Variants in CENPP observed in about 807,000 individuals in gnomAD.
CENPP encodes centromere protein P.
CENPP carries 24 observed loss-of-function variants against 35.6 expected under a neutral mutation model. The ratio of observed to expected loss-of-function variants is 0.67; its 90% CI spans 0.49 to 0.95. The LOEUF (loss-of-function observed/expected upper bound fraction) is 0.95, where lower values mean the gene tolerates loss of function less well. Ranked by LOEUF, CENPP falls within the 40% of genes least tolerant of loss-of-function variation. The pLI is 0.00. For missense variants in CENPP, 332 were observed against 345.3 expected (o/e 0.96, Z 0.31); for synonymous variants, 120 against 125.5 (o/e 0.96, Z 0.29).
At chr9:92,433,986 T>G (rs1236915312) in intron 5 of CENPP, among the ~76,000 whole-genome samples, 1 of 152,194 alleles carries the variant, frequency 6.6e-6, no homozygotes, top group Non-Finnish European at 1.5e-5. Context: ...ACACTTATCT[T>G]ATACTTTGTG....
chr9:92,337,475 T>G (rs1235498155), intron 2 of CENPP, 66 bp from the exon 3 acceptor site: 3 of 907,052 alleles, frequency 3.3e-6, no homozygotes, highest in African/African-American at 3.3e-5. Context: ...TCACACAAAA[T>G]TAAATAATAC....
intron 5 of CENPP, chr9:92,470,867 A>G (rs1845486055): frequency 4.8e-6 from 4 of 829,188 alleles, no homozygotes; most frequent in Non-Finnish European, 7.6e-6. Context: ...ATTTTTTAAA[A>G]CCCATGATTA....
At chr9:92,352,505 G>GTGTATATATATATATATATATA in intron 4 of CENPP, among the ~76,000 whole-genome samples, 2 of 49,784 alleles carry the variant, frequency 4.0e-5, no homozygotes, top group South Asian at 6.5e-4. Context: ...GTGTGTGTGT[G>GTGTATATATATATATATATATA]TATACATATA....
intron 5 of CENPP, among the ~76,000 whole-genome samples, chr9:92,399,972 T>A (rs1218284683): frequency 6.6e-6 from 1 of 152,186 alleles, no homozygotes; most frequent in African/African-American, 2.4e-5. Context: ...ACTGTTTCCC[T>A]TGTTATTTGT....
intron 5 of CENPP, among the ~76,000 whole-genome samples, chr9:92,423,950 T>TA (rs149933711): frequency 0.031 from 4,698 of 151,398 alleles, 254 homozygotes; most frequent in African/African-American, 0.11. Context: ...TCATTCAAAG[T>TA]AAAAAAAAAT....
intron 5 of CENPP, among the ~76,000 whole-genome samples, chr9:92,589,358 T>A (rs1035857715): frequency 2.5e-4 from 35 of 140,008 alleles, no homozygotes; most frequent in Non-Finnish European, 4.6e-4. Context: ...AAAAAAAAAT[T>A]TTTTTTTAAG....
At chr9:92,428,373 C>A (rs999533962) in intron 5 of CENPP, among the ~76,000 whole-genome samples, 1 of 152,126 alleles carries the variant, frequency 6.6e-6, no homozygotes, top group African/African-American at 2.4e-5. Context: ...CAGGTTCCAG[C>A]ATCTTTATAC....
In CENPP at chr9:92,436,740, G is replaced by A. The variant is rs115592576; in HGVS notation, c.564+56881G>A. Among the ~76,000 whole-genome samples, 118 of 151,934 alleles carry A rather than the reference G, an allele frequency of 7.8e-4. 1 individual carries two copies. Among genetic ancestry groups the A allele is most frequent in the African/African-American group, 2.7e-3 (111 of 41,438 alleles). ...CTTTTTCAGTTCTATTTATTTATAC[G>A]TCTGTCTTCCTGACAACACCACCTA... is the stretch of plus-strand genomic sequence containing the variant. On this transcript the variant is annotated intron_variant, in intron 5 of 7. Coordinates refer to ENST00000375587, the MANE Select transcript of CENPP (RefSeq NM_001012267.3).
intron 4 of CENPP, among the ~76,000 whole-genome samples, chr9:92,365,513 C>G (rs916294250): frequency 6.7e-6 from 1 of 148,472 alleles, no homozygotes; most frequent in South Asian, 2.1e-4. Context: ...TGGGTTCAAG[C>G]GATTCTCCTG....
At chr9:92,383,787 T>C (rs77027899) in intron 5 of CENPP, among the ~76,000 whole-genome samples, 4,673 of 152,282 alleles carry the variant, frequency 0.031, 113 homozygotes, top group South Asian at 0.084. Flanking sequence ...TTATCTTATC[T>C]AAAACTACTG....
At chr9:92,458,066 C>G (rs894795778) in intron 5 of CENPP, among the ~76,000 whole-genome samples, 6 of 152,134 alleles carry the variant, frequency 3.9e-5, no homozygotes, top group African/African-American at 1.4e-4. Flanking sequence ...CTATCAACAT[C>G]CTAAATGCAG....
At chr9:92,533,674 A>T (rs1848997986) in intron 5 of CENPP, among the ~76,000 whole-genome samples, 1 of 152,038 alleles carries the variant, frequency 6.6e-6, no homozygotes, top group East Asian at 1.9e-4. Flanking sequence ...TATTTCTTGC[A>T]GAAATATATC....
chr9:92,570,256 A>G (rs148121875), intron 5 of CENPP, among the ~76,000 whole-genome samples: 63 of 152,268 alleles, frequency 4.1e-4, no homozygotes, highest in Non-Finnish European at 7.3e-4. Context: ...TGTCCCATCA[A>G]TACCTAGTCT....
chr9:92,528,261 C>G (rs139699015), intron 5 of CENPP, among the ~76,000 whole-genome samples: 2 of 152,092 alleles, frequency 1.3e-5, no homozygotes, highest in Admixed American at 1.3e-4. Flanking sequence ...ATCAAATGCC[C>G]GGAGAGACCT....
chr9:92,365,442 G>A (rs1214250206), intron 4 of CENPP, among the ~76,000 whole-genome samples: 3 of 123,830 alleles, frequency 2.4e-5, no homozygotes, highest in East Asian at 2.6e-4. Context: ...ACAGAGTCTC[G>A]TGCTCTCACT....
chr9:92,367,342 T>G (rs535975951), intron 4 of CENPP, among the ~76,000 whole-genome samples: 1 of 151,932 alleles, frequency 6.6e-6, no homozygotes, highest in Non-Finnish European at 1.5e-5. Flanking sequence ...AATTTTTGTA[T>G]TTTTAGTAGA....
At chr9:92,382,182 T>A (rs1842265077) in intron 5 of CENPP, among the ~76,000 whole-genome samples, 1 of 152,008 alleles carries the variant, frequency 6.6e-6, no homozygotes, top group African/African-American at 2.4e-5. Context: ...TTTTGACTCT[T>A]GATAGTGTCC....
chr9:92,363,280 T>G (rs976367743), intron 4 of CENPP, among the ~76,000 whole-genome samples: 2 of 152,102 alleles, frequency 1.3e-5, no homozygotes, highest in African/African-American at 4.8e-5. Flanking sequence ...AAATCATGAT[T>G]CATATAATAT....
intron 5 of CENPP, among the ~76,000 whole-genome samples, chr9:92,391,385 C>T (rs1160549873): frequency 4.0e-5 from 6 of 151,804 alleles, no homozygotes; most frequent in South Asian, 2.1e-4. Flanking sequence ...CCAGCCTGGG[C>T]AACAGAGTAA....
Sources: gnomAD v4.1 joint callset for allele counts (sites outside exome capture counted in the v4.1 genomes callset) on GRCh38, gnomAD v4.1.1 for gene constraint, MANE v1.5 for transcripts, NCBI Gene and HGNC (gene_info 2026-07-23, HGNC 2026-07-21) for gene names.